Variants in MRPS9 observed in about 807,000 individuals in gnomAD.
MRPS9 encodes mitochondrial ribosomal protein S9, also known as small ribosomal subunit protein uS9m.
In MRPS9, 45 loss-of-function variants were observed where a neutral mutation model predicts 59.9. That is an observed-to-expected ratio of 0.75 (90% CI 0.59 to 0.96). The LOEUF is 0.96. MRPS9 is among the 40% of genes least tolerant of loss of function. The probability of loss-of-function intolerance (pLI) is 0.00; values close to 1 mark genes in which losing one functional copy is unlikely to be tolerated. For missense variants in MRPS9, 473 were observed against 481.1 expected, an observed-to-expected ratio of 0.98 and a Z score of 0.16; for synonymous variants, 171 against 166.8, an observed-to-expected ratio of 1.03 and a Z score of -0.19.
intron 2 of MRPS9, among the ~76,000 whole-genome samples, chr2:105,063,911 A>T (rs1016562676): frequency 2.0e-5 from 3 of 152,208 alleles, no homozygotes; most frequent in Non-Finnish European, 2.9e-5. Context: ...CTTCAAAAAC[A>T]CACCTGCAGA....
chr2:105,075,768 C>A (rs1680197335), intron 4 of MRPS9, among the ~76,000 whole-genome samples: 1 of 152,000 alleles, frequency 6.6e-6, no homozygotes, highest in African/African-American at 2.4e-5. Flanking sequence ...AAGGTTAAAA[C>A]ATTTCAATAA....
intron 5 of MRPS9, 97 bp from the exon 6 acceptor site, chr2:105,088,887 G>A (rs1285855412): frequency 1.4e-6 from 1 of 728,750 alleles, no homozygotes; most frequent in Non-Finnish European, 2.2e-6. Context: ...GGACACCTTA[G>A]GAAGTACTTA....
chr2:105,073,900 A>G (rs1329290635), intron 4 of MRPS9, among the ~76,000 whole-genome samples: 1 of 152,244 alleles, frequency 6.6e-6, no homozygotes, highest in Non-Finnish European at 1.5e-5. Flanking sequence ...AATTTGAATA[A>G]CACAGCATGA....
At chr2:105,091,296 G>C (rs1316488854) in intron 7 of MRPS9, 4 of 471,104 alleles carry the variant, frequency 8.5e-6, no homozygotes, top group South Asian at 6.2e-5. Flanking sequence ...GCAAGGCTGA[G>C]TTCCACCCAT....
At chr2:105,062,006 G>A (rs887002536) in intron 2 of MRPS9, among the ~76,000 whole-genome samples, 8 of 152,260 alleles carry the variant, frequency 5.3e-5, no homozygotes, top group African/African-American at 1.9e-4. Flanking sequence ...GAACAACAAA[G>A]GATAGGGGGA....
chr2:105,087,882 G>A (rs1291734476), intron 5 of MRPS9, among the ~76,000 whole-genome samples: 1 of 147,818 alleles, frequency 6.8e-6, no homozygotes, highest in Non-Finnish European at 1.5e-5. Flanking sequence ...TAAAATGCAA[G>A]CACTAGTAAA....
At chr2:105,089,899 A>G (rs1680523218) in intron 6 of MRPS9, 21 bp from the exon 7 acceptor site, 7 of 1,541,898 alleles carry the variant, frequency 4.5e-6, no homozygotes, top group African/African-American at 1.4e-5. Flanking sequence ...TAAAAAGAGA[A>G]TATATGTGAT....
At chr2:105,092,955 T>C (rs1374005009) in intron 8 of MRPS9, among the ~76,000 whole-genome samples, 1 of 152,204 alleles carries the variant, frequency 6.6e-6, no homozygotes, top group African/African-American at 2.4e-5. Context: ...ATGTGAAAAC[T>C]TCACGTCCTT....
In MRPS9 at chr2:105,097,228, G is replaced by A; in HGVS notation, c.1003G>A (p.Gly335Ser). The change falls in exon 10 of 11, where the codon GGC becomes AGC. Residue 335 changes from glycine to serine, a missense_variant. By Grantham distance (56) the Gly-to-Ser change is moderately conservative. Transcript: ENST00000258455. ...KHDVTCTVSG[G>S]GRSAQAGAIR... ...CGACGTGACCTGCACAGTCTCAGGG[G>A]GCGGGAGGTCAGCGCAGGCTGGAGC... The A allele has an allele frequency of 2.5e-6, 4 of 1,613,086 alleles. No homozygotes were observed. The South Asian group carries it at 4.4e-5, about 18-fold the overall frequency.
chr2:105,090,018 T>G (rs75278939), intron 7 of MRPS9, 23 bp downstream of exon 7: 2 of 1,398,452 alleles, frequency 1.4e-6, no homozygotes, highest in African/African-American at 2.9e-5. Flanking sequence ...TCTTTTTAAT[T>G]TAAGGGGACC....
At chr2:105,062,416 G>A (rs1390867582) in intron 2 of MRPS9, among the ~76,000 whole-genome samples, 1 of 152,134 alleles carries the variant, frequency 6.6e-6, no homozygotes, top group Non-Finnish European at 1.5e-5. Context: ...TCAAGGAATC[G>A]AGTCATAGAT....
At chr2:105,071,273 T>C (rs201794518) in intron 2 of MRPS9, 40 bp from the exon 3 acceptor site, 28 of 1,536,550 alleles carry the variant, frequency 1.8e-5, no homozygotes, top group Non-Finnish European at 2.2e-5. Context: ...TAACCTTGTT[T>C]ATATAACAGT....
At chr2:105,077,101 C>T (rs11904024) in intron 4 of MRPS9, among the ~76,000 whole-genome samples, 121 of 151,846 alleles carry the variant, frequency 8.0e-4, no homozygotes, top group African/African-American at 2.6e-3. Context: ...ACAAAATAGC[C>T]GGGCGTGGTG....
intron 4 of MRPS9, among the ~76,000 whole-genome samples, chr2:105,071,741 A>G (rs1680119992): frequency 6.6e-6 from 1 of 152,216 alleles, no homozygotes; most frequent in Admixed American, 6.5e-5. Context: ...GCATTCCAAT[A>G]TGTCCTTTTG....
At chr2:105,063,738 CTA>C (rs774422385) in intron 2 of MRPS9, among the ~76,000 whole-genome samples, 2 of 152,132 alleles carry the variant, frequency 1.3e-5, no homozygotes, top group African/African-American at 2.4e-5. Context: ...AAAATTTTAT[CTA>C]TGAGTTTGTA....
chr2:105,060,038 A>AAAAC (rs1679867795), intron 2 of MRPS9, among the ~76,000 whole-genome samples: 1 of 149,286 alleles, frequency 6.7e-6, no homozygotes, highest in Non-Finnish European at 1.5e-5. Flanking sequence ...AAAAAAAAAA[A>AAAAC]AGACCCTGAA....
intron 2 of MRPS9, among the ~76,000 whole-genome samples, chr2:105,060,140 A>G (rs907653088): frequency 6.6e-6 from 1 of 151,638 alleles, no homozygotes; most frequent in East Asian, 1.9e-4. Context: ...CTAATCTAAA[A>G]TTTTTTGTGA....
chr2:105,066,568 T>G (rs1343424250), intron 2 of MRPS9, among the ~76,000 whole-genome samples: 1 of 152,250 alleles, frequency 6.6e-6, no homozygotes, highest in African/African-American at 2.4e-5. Flanking sequence ...CCGTCTAGGA[T>G]TCTATTCATT....
intron 9 of MRPS9, among the ~76,000 whole-genome samples, chr2:105,094,809 T>A (rs1204909512): frequency 6.6e-6 from 1 of 152,244 alleles, no homozygotes; most frequent in Non-Finnish European, 1.5e-5. Flanking sequence ...GACTGTTCTT[T>A]AACCAATAAC....
Sources: gnomAD v4.1 joint callset for allele counts (sites outside exome capture counted in the v4.1 genomes callset) on GRCh38, gnomAD v4.1.1 for gene constraint, MANE v1.5 for transcripts, NCBI Gene and HGNC (gene_info 2026-07-23, HGNC 2026-07-21) for gene names.